Variants in FGF12 observed in about 807,000 individuals in gnomAD.
FGF12 encodes fibroblast growth factor 12B.
A neutral mutation model predicts 23.6 loss-of-function variants in FGF12; 14 were observed. That is an observed-to-expected ratio of 0.59 (90% confidence interval 0.39 to 0.93). The LOEUF (loss-of-function observed/expected upper bound fraction) is 0.93, where lower values mean the gene tolerates loss of function less well. FGF12 is among the 40% of genes least tolerant of loss of function. FGF12 has a pLI of 0.00. For missense variants in FGF12, 175 were observed against 217.8 expected, an observed-to-expected ratio of 0.80 and a Z score of 1.24; for synonymous variants, 62 against 77.3, an observed-to-expected ratio of 0.80 and a Z score of 1.04.
At chr3:192,595,597 G>A (rs954642460) in intron 2 of FGF12, among the ~76,000 whole-genome samples, 7 of 152,168 alleles carry the variant, frequency 4.6e-5, no homozygotes, top group African/African-American at 1.4e-4. Context: ...TGACTCAGTA[G>A]GCCTGGGGTG....
chr3:192,653,410 G>C (rs1404065829), intron 2 of FGF12, among the ~76,000 whole-genome samples: 1 of 152,132 alleles, frequency 6.6e-6, no homozygotes, highest in African/African-American at 2.4e-5. Context: ...GGAATGCTCA[G>C]CCAGCCTCGC....
At chr3:192,489,968 C>A (rs75587940) in intron 2 of FGF12, among the ~76,000 whole-genome samples, 3,292 of 152,078 alleles carry the variant, frequency 0.022, 88 homozygotes, top group African/African-American at 0.073. Context: ...CACATGTACC[C>A]CTGAATTTAA....
At chr3:192,446,077 C>T (rs905422940) in intron 2 of FGF12, among the ~76,000 whole-genome samples, 1 of 152,194 alleles carries the variant, frequency 6.6e-6, no homozygotes. Context: ...TATAATTTGT[C>T]TTGATTCCAG....
rs1384357020 is a variant in FGF12, at chr3:192,345,682, G to T, written c.125-10218C>A. On this transcript the variant is annotated intron_variant, in intron 3 of 5. Coordinates refer to ENST00000445105, the MANE Select transcript of FGF12 (RefSeq NM_004113.6). The stretch of plus-strand genomic sequence containing the variant: ...AGCCTGGGCGACAGAGCGAGACTCC[G>T]TCTCAAAAAAAAAAAAAAAAAAGAT... Among the ~76,000 whole-genome samples the T allele has an allele frequency of 8.5e-5, 3 of 35,088 alleles. 1 individual carries two copies. Among genetic ancestry groups the T allele is most frequent in the Non-Finnish European group, 1.2e-4 (3 of 25,512 alleles). The allele number at this position is 35,088 out of a possible 152,430, so 23.0% of individuals were successfully genotyped here.
chr3:192,415,732 T>TCATACACA (rs1553810113), intron 2 of FGF12, among the ~76,000 whole-genome samples: 2 of 117,948 alleles, frequency 1.7e-5, no homozygotes, highest in African/African-American at 3.2e-5. Context: ...TCTCTCTCTC[T>TCATACACA]CACACACACA....
chr3:192,628,858 G>A (rs565270322), intron 2 of FGF12, among the ~76,000 whole-genome samples: 6 of 151,248 alleles, frequency 4.0e-5, no homozygotes, highest in African/African-American at 1.2e-4. Context: ...CAATCCTATC[G>A]GTTCCGTTTC....
chr3:192,154,659 T>C (rs6637048), intron 5 of FGF12, among the ~76,000 whole-genome samples: 64,001 of 131,832 alleles, frequency 0.49, 16,179 homozygotes, highest in Middle Eastern at 0.55. Flanking sequence ...CTTGAGGAGG[T>C]AGTCTGCCCG....
At chr3:192,209,459 C>T (rs1289695231) in intron 4 of FGF12, among the ~76,000 whole-genome samples, 1 of 152,172 alleles carries the variant, frequency 6.6e-6, no homozygotes, top group Non-Finnish European at 1.5e-5. Flanking sequence ...GTTTAAACCA[C>T]TTTTAGTTTG....
intron 4 of FGF12, among the ~76,000 whole-genome samples, chr3:192,250,464 T>G (rs1711932373): frequency 6.6e-6 from 1 of 152,030 alleles, no homozygotes; most frequent in South Asian, 2.1e-4. Context: ...TGAGAAAAAA[T>G]TATGCCACAA....
chr3:192,588,349 CAAA>C (rs1201739223), intron 2 of FGF12, among the ~76,000 whole-genome samples: 1 of 66,984 alleles, frequency 1.5e-5, no homozygotes, highest in Non-Finnish European at 2.8e-5. Context: ...CAATCCGTCT[CAAA>C]AAAAAAAAAA....
At chr3:192,407,379 G>A (rs975400832) in intron 2 of FGF12, among the ~76,000 whole-genome samples, 2 of 152,166 alleles carry the variant, frequency 1.3e-5, no homozygotes, top group African/African-American at 2.4e-5. Context: ...GAAACAATGA[G>A]AGGGGTTGGA....
intron 2 of FGF12, among the ~76,000 whole-genome samples, chr3:192,711,938 A>T (rs1222887988): frequency 7.6e-6 from 1 of 132,010 alleles, no homozygotes; most frequent in African/African-American, 3.3e-5. Flanking sequence ...CCCAAGAACG[A>T]TCAAAAAAAA....
At chr3:192,200,388 A>G (rs1717303725) in intron 4 of FGF12, among the ~76,000 whole-genome samples, 1 of 152,168 alleles carries the variant, frequency 6.6e-6, no homozygotes, top group Admixed American at 6.5e-5. Context: ...TAAAATCATA[A>G]TAAAATGAGA....
chr3:192,199,746 A>C (rs139482039), intron 4 of FGF12, among the ~76,000 whole-genome samples: 241 of 152,290 alleles, frequency 1.6e-3, no homozygotes, highest in Admixed American at 3.6e-3. Flanking sequence ...TGTTTATGAG[A>C]TCTAACTCCT....
At chr3:192,394,377 T>C (rs941114236) in intron 2 of FGF12, among the ~76,000 whole-genome samples, 2 of 152,152 alleles carry the variant, frequency 1.3e-5, no homozygotes, top group African/African-American at 4.8e-5. Flanking sequence ...CTAATAAAAA[T>C]ATATTTGTTA....
At chr3:192,599,841 G>A (rs1714034139) in intron 2 of FGF12, among the ~76,000 whole-genome samples, 1 of 152,006 alleles carries the variant, frequency 6.6e-6, no homozygotes, top group South Asian at 2.1e-4. Flanking sequence ...CCAACTATAT[G>A]ACATTATAGA....
intron 2 of FGF12, among the ~76,000 whole-genome samples, chr3:192,677,609 A>G (rs940720482): frequency 6.6e-6 from 1 of 152,252 alleles, no homozygotes; most frequent in African/African-American, 2.4e-5. Context: ...AAAATTGGAA[A>G]CTGAAAAAAC....
intron 2 of FGF12, among the ~76,000 whole-genome samples, chr3:192,706,401 G>A (rs913603972): frequency 5.9e-5 from 9 of 152,058 alleles, no homozygotes; most frequent in Admixed American, 2.6e-4. Context: ...GAGGCAAAGC[G>A]ACTTTGCCAA....
chr3:192,605,586 A>C (rs1430075148), intron 2 of FGF12, among the ~76,000 whole-genome samples: 1 of 152,162 alleles, frequency 6.6e-6, no homozygotes, highest in African/African-American at 2.4e-5. Context: ...AATATTCACA[A>C]CTTATGCATC....
Sources: allele counts gnomAD v4.1 joint callset (sites outside exome capture counted in the v4.1 genomes callset), GRCh38; gene constraint gnomAD v4.1.1; transcripts MANE v1.5; gene names NCBI Gene and HGNC (gene_info 2026-07-23, HGNC 2026-07-21).